Variants in SPAST observed in about 807,000 individuals in gnomAD.
SPAST encodes spastin.
In SPAST, 30 loss-of-function variants were observed where a neutral mutation model predicts 76.6. The ratio of observed to expected loss-of-function variants is 0.39; its 90% CI spans 0.29 to 0.53. The LOEUF is 0.53. SPAST is among the 20% of genes least tolerant of loss of function. SPAST has a pLI of 0.68. For synonymous variants in SPAST, 305 were observed against 281.0 expected, an observed-to-expected ratio of 1.09 and a Z score of -0.86; for missense variants, 717 against 770.5, an observed-to-expected ratio of 0.93 and a Z score of 0.82.
intron 3 of SPAST, among the ~76,000 whole-genome samples, chr2:32,093,695 C>G (rs1027341428): frequency 2.0e-5 from 3 of 152,174 alleles, no homozygotes; most frequent in Admixed American, 6.5e-5. Context: ...ACAACAGTGT[C>G]TAGCACATGC....
At chr2:32,098,623 T>C (rs1021967687) in intron 3 of SPAST, among the ~76,000 whole-genome samples, 173 bp from the exon 4 acceptor site, 5 of 152,210 alleles carry the variant, frequency 3.3e-5, no homozygotes, top group African/African-American at 1.2e-4. Context: ...CGTGACTTCA[T>C]TTTTACTAAT....
At chr2:32,118,171 T>A (rs1678906290) in intron 7 of SPAST, among the ~76,000 whole-genome samples, 1 of 152,178 alleles carries the variant, frequency 6.6e-6, no homozygotes, top group South Asian at 2.1e-4. Flanking sequence ...TGTGGCACGT[T>A]GTGGTGGGTG....
At chr2:32,115,334 C>A (rs551539087) in intron 5 of SPAST, among the ~76,000 whole-genome samples, 1 of 152,142 alleles carries the variant, frequency 6.6e-6, no homozygotes, top group East Asian at 1.9e-4. Flanking sequence ...TTTGCTTACC[C>A]AGTCTGTTTT....
chr2:32,067,282 G>C (rs890959794), intron 1 of SPAST, among the ~76,000 whole-genome samples: 7 of 152,044 alleles, frequency 4.6e-5, no homozygotes, highest in Non-Finnish European at 1.0e-4. Flanking sequence ...GGCTGGTTTC[G>C]AGCTCCTGAC....
chr2:32,113,508 A>G (rs1441534127), intron 4 of SPAST, among the ~76,000 whole-genome samples: 5 of 149,872 alleles, frequency 3.3e-5, no homozygotes, highest in Non-Finnish European at 7.4e-5. Flanking sequence ...TCCTATCCCT[A>G]ATGCCTTTAC....
At chr2:32,127,540 G>A (rs1000794579) in intron 8 of SPAST, 1 of 154,522 alleles carries the variant, frequency 6.5e-6, no homozygotes, top group East Asian at 1.9e-4. Flanking sequence ...ATTATTTTTT[G>A]TAAATTAAAT....
intron 4 of SPAST, among the ~76,000 whole-genome samples, chr2:32,104,884 A>AT (rs1224117728): frequency 6.6e-6 from 1 of 151,922 alleles, no homozygotes; most frequent in African/African-American, 2.4e-5. Context: ...TGCCCTTAAC[A>AT]TTTTTTCCTA....
intron 7 of SPAST, among the ~76,000 whole-genome samples, chr2:32,117,272 A>T (rs1280851018): frequency 6.6e-6 from 1 of 152,000 alleles, no homozygotes; most frequent in African/African-American, 2.4e-5. Flanking sequence ...ATAAAAATTT[A>T]AAAAGATAAA....
At chr2:32,133,994 T>G (rs1679453751) in intron 9 of SPAST, among the ~76,000 whole-genome samples, 1 of 152,168 alleles carries the variant, frequency 6.6e-6, no homozygotes, top group Admixed American at 6.5e-5. Context: ...TCTGATCACA[T>G]TTTACTTCCT....
At chr2:32,082,502 G>C (rs925280036) in intron 1 of SPAST, among the ~76,000 whole-genome samples, 4 of 151,980 alleles carry the variant, frequency 2.6e-5, no homozygotes, top group African/African-American at 9.7e-5. Context: ...TTCGAGACCA[G>C]CCTGACCAAC....
chr2:32,149,510 C>T (rs376230413), intron 16 of SPAST, among the ~76,000 whole-genome samples: 3 of 152,258 alleles, frequency 2.0e-5, no homozygotes, highest in South Asian at 4.1e-4. Flanking sequence ...GGTCATAACT[C>T]TGTGAGCAAA....
intron 1 of SPAST, among the ~76,000 whole-genome samples, chr2:32,074,881 C>T (rs897961263): frequency 1.3e-5 from 2 of 152,078 alleles, no homozygotes; most frequent in East Asian, 3.8e-4. Context: ...ACATTTAAGT[C>T]CTGACCATAT....
intron 7 of SPAST, among the ~76,000 whole-genome samples, chr2:32,119,233 C>T (rs1324532019): frequency 1.3e-5 from 2 of 152,126 alleles, no homozygotes; most frequent in Admixed American, 6.6e-5. Context: ...CCTAGCTCAG[C>T]GTTTCACAAT....
chr2:32,096,377 A>G (rs1677914639), intron 3 of SPAST, among the ~76,000 whole-genome samples: 1 of 152,182 alleles, frequency 6.6e-6, no homozygotes, highest in Non-Finnish European at 1.5e-5. Context: ...AGAGGTTGCA[A>G]TGAGCTGAGG....
chr2:32,149,988 T>C (rs968476113), intron 16 of SPAST, among the ~76,000 whole-genome samples: 7 of 152,068 alleles, frequency 4.6e-5, no homozygotes, highest in African/African-American at 1.7e-4. Context: ...TTTGTTTTTT[T>C]TTTTCAGGCT....
At chr2:32,124,699 AT>A (rs1679134624) in intron 7 of SPAST, among the ~76,000 whole-genome samples, 1 of 152,244 alleles carries the variant, frequency 6.6e-6, no homozygotes, top group African/African-American at 2.4e-5. Context: ...GTAATGGAGT[AT>A]TATTCAGCAA....
chr2:32,141,659 T>A (rs1679723983), intron 12 of SPAST, among the ~76,000 whole-genome samples: 1 of 152,246 alleles, frequency 6.6e-6, no homozygotes, highest in African/African-American at 2.4e-5. Context: ...TTTTGTTTGT[T>A]TTAAAGCATT....
chr2:32,134,788 C>T (rs1404967169), intron 9 of SPAST, among the ~76,000 whole-genome samples: 2 of 151,956 alleles, frequency 1.3e-5, no homozygotes, highest in Non-Finnish European at 2.9e-5. Flanking sequence ...CTCCAACTCT[C>T]AGGTTCAAGC....
intron 4 of SPAST, among the ~76,000 whole-genome samples, chr2:32,112,062 C>G (rs1361798563): frequency 6.7e-6 from 1 of 149,082 alleles, no homozygotes; most frequent in Non-Finnish European, 1.5e-5. Context: ...AAGTGATTCT[C>G]CTGCCTCAGC....
Sources: allele counts gnomAD v4.1 joint callset (sites outside exome capture counted in the v4.1 genomes callset), GRCh38; gene constraint gnomAD v4.1.1; transcripts MANE v1.5; gene names NCBI Gene and HGNC (gene_info 2026-07-23, HGNC 2026-07-21).